The following CUL7 variants were observed in gnomAD, a reference collection of about 807,000 sequenced individuals.
CUL7 encodes cullin 7.
CUL7 carries 96 observed loss-of-function variants against 177.7 expected under a neutral mutation model. The observed-to-expected ratio is 0.54, with a 90% CI of 0.46 to 0.64. The LOEUF (loss-of-function observed/expected upper bound fraction) is 0.64. CUL7 is among the 30% of genes least tolerant of loss of function. CUL7 has a pLI of 0.00. For missense variants in CUL7, 1,893 were observed against 2,187.9 expected (o/e 0.87, Z 2.69); for synonymous variants, 824 against 890.2 (o/e 0.93, Z 1.32).
intron 19 of CUL7, among the ~76,000 whole-genome samples, chr6:43,041,859 C>A (rs572084505): frequency 1.4e-3 from 208 of 152,012 alleles, no homozygotes; most frequent in Non-Finnish European, 2.4e-3. Flanking sequence ...CAAAAATTGG[C>A]TGGGCGTGGT....
chr6:43,046,982 C>T lies in CUL7; in HGVS notation c.2295G>A (p.Lys765=). 1 of 1,613,570 alleles carries T rather than the reference C, an allele frequency of 6.2e-7. No individual in the cohort carries two copies. The highest frequency in any genetic ancestry group is 8.5e-7 in the Non-Finnish European group (1 of 1,179,480). The change falls in exon 10 of 26, where the codon AAG becomes AAA. Residue 765 remains lysine, a synonymous_variant. Coordinates refer to ENST00000265348, the MANE Select transcript of CUL7 (RefSeq NM_014780.5). ...CCCGCAGCTCCTGAGCCAGCTCCAG[C>T]TTTCCCAGGTGCTTTTCCAGGGCCT... is the stretch of plus-strand genomic sequence containing the variant. ...ISKALEKHLG[K]LELAQELRDM...
Position 43,043,800 on chromosome 6 carries a change from G to T in CUL7, c.3173-170C>A, listed in dbSNP as rs1763654824. 6.6e-6 allele frequency among the ~76,000 whole-genome samples: 1 copy of T among 152,066 alleles called. No individual in the cohort carries two copies. The highest frequency in any genetic ancestry group is 2.4e-5 in the African/African-American group (1 of 41,400). On this transcript the variant is annotated intron_variant, in intron 16 of 25. Coordinates refer to ENST00000265348, the MANE Select transcript of CUL7 (RefSeq NM_014780.5). This position sits in a 1 kb window ranked among gnomAD's most constrained non-coding sequence, Gnocchi z 4.2. ...TCCCAGCACTTTGGGAGGCTGAGATGAGAGGATCGCTTGAGGCAGGAGTTC... is the reference window on the plus strand; with the variant it reads ...TCCCAGCACTTTGGGAGGCTGAGATTAGAGGATCGCTTGAGGCAGGAGTTC...
intron 22 of CUL7, among the ~76,000 whole-genome samples, chr6:43,039,803 G>A (rs182821842): frequency 7.4e-6 from 1 of 135,186 alleles, no homozygotes; most frequent in African/African-American, 2.9e-5. Context: ...GCAGTGGCAC[G>A]ATCTCGGCTC....
Position 43,052,124 on chromosome 6 carries a change from G to A in CUL7, c.580+85C>T, listed in dbSNP as rs1764463575. ...AATCATTTACGTACTGATGAGATCA[G>A]AGGCTCCTGCCACAGTGTCCTGTGA... On this transcript the variant is annotated intron_variant, in intron 2 of 25. Transcript: ENST00000265348. The surrounding 1 kb of genome is among the most constrained non-coding windows in gnomAD (Gnocchi z 4.5). 6 of 1,576,748 alleles carry A rather than the reference G, an allele frequency of 3.8e-6. No individual in the cohort carries two copies. The highest frequency in any genetic ancestry group is 4.3e-6 in the Non-Finnish European group (5 of 1,161,192).
Position 43,051,286 on chromosome 6 carries a change from C to T in CUL7, c.915G>A (p.Ser305=), listed in dbSNP as rs1389176012. The change falls in exon 4 of 26, where the codon TCG becomes TCA. Residue 305 remains serine, a synonymous_variant. Coordinates refer to ENST00000265348, the MANE Select transcript of CUL7 (RefSeq NM_014780.5). This position sits in a 1 kb window ranked among gnomAD's most constrained non-coding sequence, Gnocchi z 5.0. ...EFSMAMGTLI[S]ELVQAMRWDQ... ...CCCAGCGCATGGCTTGCACCAGCTC[C>T]GAGATCAGGGTGCCCATGGCCATAC... The T allele has an allele frequency of 5.0e-6, 8 of 1,610,426 alleles. No homozygotes were observed. In the East Asian group the frequency reaches 8.9e-5, roughly 18 times the overall value.
At chr6:43,049,354 C>T (rs1156231854) in intron 7 of CUL7, 53 bp downstream of exon 7, 10 of 1,612,908 alleles carry the variant, frequency 6.2e-6, no homozygotes, top group Non-Finnish European at 5.9e-6. Flanking sequence ...GACATCTCTC[C>T]TGTGCTACTG....
chr6:43,042,162 GAA>G (rs1247735099), intron 19 of CUL7, among the ~76,000 whole-genome samples: 2 of 151,820 alleles, frequency 1.3e-5, no homozygotes, highest in East Asian at 1.9e-4. Flanking sequence ...AAGAGAGAGA[GAA>G]AGAAAGACGG....
At chr6:43,047,976 T>C (rs937833463) in intron 9 of CUL7, 172 bp downstream of exon 9, 5 of 605,560 alleles carry the variant, frequency 8.3e-6, no homozygotes, top group African/African-American at 3.7e-5. Flanking sequence ...TTGTGAACCA[T>C]GTGAATGTAT....
At chr6:43,048,121 C>A (rs2150328168) in intron 9 of CUL7, 27 bp downstream of exon 9, 6 of 1,504,288 alleles carry the variant, frequency 4.0e-6, no homozygotes, top group Non-Finnish European at 5.5e-6. Context: ...TCTCCCCCAG[C>A]CTCTCCCCAG....
rs762916587 is a variant in CUL7, at chr6:43,040,187, A to C, written c.4263T>G (p.Thr1421=). The C allele has an allele frequency of 6.2e-7, 1 of 1,614,090 alleles. No individual in the cohort carries two copies. The highest frequency in any genetic ancestry group is 2.2e-5 in the East Asian group (1 of 44,872). Reference sequence around the variant, plus strand: ...TGTAGAAGTTGGAGTATCTGTTCAAAGTGCCCCTCAGGTAGGAGGGCAGGC... The same window carrying C: ...TGTAGAAGTTGGAGTATCTGTTCAACGTGCCCCTCAGGTAGGAGGGCAGGC... The part of the protein sequence containing the change: ...RTCLPSYLRG[T]LNRYSNFYNK... Residue 1421 remains threonine, a synonymous_variant, in exon 22 of 26, where the codon ACT becomes ACG. Coordinates refer to ENST00000265348, the MANE Select transcript of CUL7 (RefSeq NM_014780.5). This position sits in a 1 kb window ranked among gnomAD's most constrained non-coding sequence, Gnocchi z 4.2.
chr6:43,038,537 C>G (rs1443975328), intron 24 of CUL7, 29 bp downstream of exon 24: 3 of 1,613,370 alleles, frequency 1.9e-6, no homozygotes, highest in East Asian at 2.2e-5. Flanking sequence ...TGCCTCAGAG[C>G]AGAGGCCCCT....
At position 43,053,729 on chromosome 6, in the gene CUL7, T is replaced by G; in HGVS notation, c.-116A>C. The G allele has an allele frequency of 1.4e-6, 2 of 1,462,048 alleles. No homozygotes were observed. The highest frequency in any genetic ancestry group is 1.8e-6 in the Non-Finnish European group (2 of 1,108,986). 90.6% of individuals were successfully genotyped at this position (1,462,048 alleles called of 1,614,324 possible). The stretch of plus-strand genomic sequence containing the variant: ...GCCCCACCTGGGCCCCGCGAGGGGG[T>G]CGAGACGGAGAGACGGGAGGGGGCG... On this transcript the variant is annotated 5_prime_UTR_variant, in exon 1 of 26. Transcript: ENST00000265348. The surrounding 1 kb of genome is among the most constrained non-coding windows in gnomAD (Gnocchi z 4.1).
Position 43,042,933 on chromosome 6 carries a change from A to C in CUL7, c.3514T>G (p.Tyr1172Asp). ...TGCAGAATATTAAAGTGCTCACAGT[A>C]GCGTGGCACAAAGTCATCATCCCGC... ...SWRDDDFVPR[Y>D]CEHFNILQNS... is the part of the protein sequence containing the mutation. Residue 1172 changes from tyrosine to aspartate, a missense_variant, in exon 19 of 26, where the codon TAC becomes GAC. Physicochemically the swap from Tyr to Asp is radical, Grantham distance 160 (BLOSUM62 -3). Around this residue, in one of 5 missense-constraint regions of CUL7, gnomAD observed 973 missense variants for 1,140.9 expected, o/e 0.85. Coordinates refer to ENST00000265348, the MANE Select transcript of CUL7 (RefSeq NM_014780.5). 1.2e-6 allele frequency: 2 copies of C among 1,614,210 alleles called. No individual in the cohort carries two copies. The highest frequency in any genetic ancestry group is 1.7e-6 in the Non-Finnish European group (2 of 1,180,028).
chr6:43,050,475 T>G lies in CUL7; in HGVS notation c.1234-77A>C, dbSNP rs1764297946. ...CTGGCTGTGGCCCAGTACTGAGGACTATAGCCCTCAGGGTGACCACCTGGC... is the reference window on the plus strand; with the variant it reads ...CTGGCTGTGGCCCAGTACTGAGGACGATAGCCCTCAGGGTGACCACCTGGC... On this transcript the variant is annotated intron_variant, in intron 4 of 25. Coordinates refer to ENST00000265348, the MANE Select transcript of CUL7 (RefSeq NM_014780.5). The surrounding 1 kb of genome is among the most constrained non-coding windows in gnomAD (Gnocchi z 4.1). 1 of 1,582,100 alleles carries G rather than the reference T, an allele frequency of 6.3e-7. No homozygotes were observed.
chr6:43,043,508 G>A lies in CUL7; in HGVS notation c.3295C>T (p.Leu1099=). The A allele has an allele frequency of 3.1e-6, 5 of 1,614,132 alleles. No homozygotes were observed. The highest frequency in any genetic ancestry group is 4.2e-6 in the Non-Finnish European group (5 of 1,179,996). Reference sequence around the variant, plus strand: ...TCACAGGGCTCGACATGCACCAGCAGGTGAGTGAGACGGCGCACCCGCGAG... The same window carrying A: ...TCACAGGGCTCGACATGCACCAGCAAGTGAGTGAGACGGCGCACCCGCGAG... ...FFSRVRRLTH[L]LVHVEPCEAP... is the part of the protein sequence containing the mutation. The change falls in exon 17 of 26, where the codon CTG becomes TTG. Residue 1099 remains leucine, a synonymous_variant. Coordinates refer to ENST00000265348, the MANE Select transcript of CUL7 (RefSeq NM_014780.5). The surrounding 1 kb of genome is among the most constrained non-coding windows in gnomAD (Gnocchi z 4.2).
rs774156355 is a variant in CUL7, at chr6:43,040,308, T to G, written c.4142A>C (p.Tyr1381Ser). The change falls in exon 22 of 26, where the codon TAC becomes TCC. Residue 1381 changes from tyrosine to serine, a missense_variant. By Grantham distance (144) the Tyr-to-Ser change is moderately radical. This residue lies in a region of CUL7 where 973 missense variants were observed against 1,140.9 expected (regional missense o/e 0.85). Coordinates refer to ENST00000265348, the MANE Select transcript of CUL7 (RefSeq NM_014780.5). The surrounding 1 kb of genome is among the most constrained non-coding windows in gnomAD (Gnocchi z 4.2). ...CACTTCTGGCATTGCCCCTTCATAG[T>G]AGAGGTCCTCATTCTCCTCCTCTTC... ...EEEEEENEDL[Y>S]YEGAMPEVSV... The G allele has an allele frequency of 6.2e-7, 1 of 1,613,924 alleles. No homozygotes were observed. Among genetic ancestry groups the G allele is most frequent in the Non-Finnish European group, 8.5e-7 (1 of 1,180,020 alleles).
chr6:43,049,455 C>T lies in CUL7; in HGVS notation c.1777G>A (p.Asp593Asn), dbSNP rs1713973271. ...GAGTCCTTAGCCTGGGCCTGCGCGT[C>T]TAGCAGGAGGACATCTTCTTGGGCT... ...LEAQEDVLLL[D>N]AQAQAKDSED... The change falls in exon 7 of 26, where the codon GAC becomes AAC. Residue 593 changes from aspartate (D) to asparagine (N), a missense_variant. Physicochemically the swap from Asp to Asn is conservative, Grantham distance 23. Around this residue, in one of 5 missense-constraint regions of CUL7, gnomAD observed 973 missense variants for 1,140.9 expected, o/e 0.85. Coordinates refer to ENST00000265348, the MANE Select transcript of CUL7 (RefSeq NM_014780.5). The T allele has an allele frequency of 1.2e-6, 2 of 1,614,130 alleles. No homozygotes were observed. The highest frequency in any genetic ancestry group is 1.3e-5 in the African/African-American group (1 of 74,942).
In CUL7 at chr6:43,052,701, C is replaced by T. The variant is rs752077507; in HGVS notation, c.88G>A (p.Val30Met). The T allele has an allele frequency of 1.5e-5, 24 of 1,613,612 alleles. No individual in the cohort carries two copies. Among genetic ancestry groups the T allele is most frequent in the Admixed American group, 1.3e-4 (8 of 60,008 alleles). ...AYPDELIRQRVGHDGHPEYQI... is the reference protein window; with the variant it reads ...AYPDELIRQRMGHDGHPEYQI... ...TACTCAGGATGCCCATCATGGCCCA[C>T]GCGCTGGCGGATCAGCTCATCAGGA... The change falls in exon 2 of 26, where the codon GTG (valine) becomes ATG (methionine). Residue 30 changes from valine (V) to methionine (M), a missense_variant. Physicochemically the swap from Val to Met is conservative, Grantham distance 21. Transcript: ENST00000265348. The surrounding 1 kb of genome is among the most constrained non-coding windows in gnomAD (Gnocchi z 4.5).
rs182296764 is a variant in CUL7, at chr6:43,043,025, T to C, written c.3463-41A>G. ...AGGAGCATGAAGACACAACCCAACA[T>C]GCCACCATTATGGTGTCCCCTCTCT... is the stretch of plus-strand genomic sequence containing the variant. On this transcript the variant is annotated intron_variant, in intron 18 of 25. Coordinates refer to ENST00000265348, the MANE Select transcript of CUL7 (RefSeq NM_014780.5). This position sits in a 1 kb window ranked among gnomAD's most constrained non-coding sequence, Gnocchi z 4.2. 1.9e-6 allele frequency: 3 copies of C among 1,613,678 alleles called. No homozygotes were observed.
Sources: allele counts gnomAD v4.1 joint callset (sites outside exome capture counted in the v4.1 genomes callset), GRCh38; gene constraint gnomAD v4.1.1; regional missense constraint gnomAD v4.1.1; non-coding constraint Gnocchi (gnomAD v3.1); transcripts MANE v1.5; gene names NCBI Gene and HGNC (gene_info 2026-07-23, HGNC 2026-07-21).